Variants in LRFN5 observed in about 807,000 individuals in gnomAD.
LRFN5 encodes the protein leucine rich repeat and fibronectin type III domain containing 5.
LRFN5 carries 24 observed loss-of-function variants against 45.6 expected under a neutral mutation model. That is an observed-to-expected ratio of 0.53 (90% CI 0.38 to 0.74). The LOEUF (loss-of-function observed/expected upper bound fraction) is 0.74, where lower values mean the gene tolerates loss of function less well. LRFN5 is among the 30% of genes least tolerant of loss of function. LRFN5 has a pLI of 0.00. For synonymous variants in LRFN5, 340 were observed against 313.8 expected (o/e 1.08, Z -0.88); for missense variants, 776 against 861.5 (o/e 0.90, Z 1.24).
intron 1 of LRFN5, among the ~76,000 whole-genome samples, chr14:41,675,275 C>G (rs142216354): frequency 3.9e-5 from 6 of 152,228 alleles, no homozygotes; most frequent in Non-Finnish European, 8.8e-5. Context: ...AGGTTGTAGC[C>G]AGCCGAGATC....
intron 1 of LRFN5, among the ~76,000 whole-genome samples, chr14:41,669,369 T>C (rs143112224): frequency 2.0e-5 from 3 of 151,962 alleles, no homozygotes; most frequent in African/African-American, 7.2e-5. Context: ...ATGACTAAGA[T>C]TTTCTAGAAG....
chr14:41,664,051 T>C (rs759393649), intron 1 of LRFN5, among the ~76,000 whole-genome samples: 7 of 151,924 alleles, frequency 4.6e-5, no homozygotes, highest in Non-Finnish European at 8.8e-5. Flanking sequence ...GTTATAAACA[T>C]TCAGTGTATA....
chr14:41,729,090 A>G (rs1884058026), intron 1 of LRFN5, among the ~76,000 whole-genome samples: 1 of 152,158 alleles, frequency 6.6e-6, no homozygotes, highest in African/African-American at 2.4e-5. Flanking sequence ...CAGTCACACC[A>G]TCTGATGTGG....
intron 3 of LRFN5, among the ~76,000 whole-genome samples, chr14:41,889,083 CATAT>C (rs932674681): frequency 8.0e-6 from 1 of 125,642 alleles, no homozygotes; most frequent in African/African-American, 3.0e-5. Flanking sequence ...ATTTCAAAGC[CATAT>C]ATATATATGT....
Position 41,772,093 on chromosome 14 carries a change from T to G in LRFN5, c.-21+5064T>G, listed in dbSNP as rs546516601. Among the ~76,000 whole-genome samples the G allele has an allele frequency of 7.2e-5, 11 of 152,234 alleles. No individual in the cohort carries two copies. In the South Asian group the frequency reaches 2.3e-3, roughly 32 times the overall value. On this transcript the variant is annotated intron_variant, in intron 2 of 5. Coordinates refer to ENST00000298119, the MANE Select transcript of LRFN5 (RefSeq NM_152447.5). ...GCAAAGCAGTACCCAGCAGGTCACA[T>G]GATGATAGTAGGAACAAGAGAGCGA... is the stretch of plus-strand genomic sequence containing the variant.
intron 2 of LRFN5, among the ~76,000 whole-genome samples, chr14:41,870,986 C>T (rs1890000732): frequency 6.6e-6 from 1 of 151,722 alleles, no homozygotes; most frequent in Non-Finnish European, 1.5e-5. Flanking sequence ...ATTATCAGTA[C>T]ATATTAGGTT....
intron 2 of LRFN5, among the ~76,000 whole-genome samples, chr14:41,805,901 G>A (rs1334924456): frequency 6.6e-6 from 1 of 152,068 alleles, no homozygotes; most frequent in African/African-American, 2.4e-5. Context: ...ATTAGGGTAT[G>A]TATGAGGAAT....
intron 1 of LRFN5, among the ~76,000 whole-genome samples, chr14:41,637,208 G>A (rs947110241): frequency 2.0e-5 from 3 of 152,128 alleles, no homozygotes; most frequent in African/African-American, 7.2e-5. Flanking sequence ...TGTTCTGTAG[G>A]AGGCCCTATC....
chr14:41,810,374 G>T (rs1887695634), intron 2 of LRFN5, among the ~76,000 whole-genome samples: 2 of 152,108 alleles, frequency 1.3e-5, no homozygotes, highest in South Asian at 4.1e-4. Context: ...CACCAAAGAG[G>T]TGCCAGTTTT....
chr14:41,619,528 A>G lies in LRFN5; in HGVS notation c.-197+10966A>G, dbSNP rs140024376. ...AATATTTTCTTCAAAGGTATTTTGT[A>G]ATTGGGTTGAAAGCCTCCCTGGATT... On this transcript the variant is annotated intron_variant, in intron 1 of 5. Coordinates refer to ENST00000298119, the MANE Select transcript of LRFN5 (RefSeq NM_152447.5). Among the ~76,000 whole-genome samples, 251 of 152,102 alleles carry G rather than the reference A, an allele frequency of 1.7e-3. 1 individual carries two copies. The highest frequency in any genetic ancestry group is 5.7e-3 in the African/African-American group (236 of 41,532).
intron 2 of LRFN5, among the ~76,000 whole-genome samples, chr14:41,802,902 T>C (rs1291879878): frequency 1.3e-5 from 2 of 152,168 alleles, no homozygotes; most frequent in Non-Finnish European, 2.9e-5. Flanking sequence ...AATTGTATAT[T>C]ACTGAAGACA....
At chr14:41,687,072 G>T (rs1400311925) in intron 1 of LRFN5, among the ~76,000 whole-genome samples, 1 of 152,078 alleles carries the variant, frequency 6.6e-6, no homozygotes, top group Non-Finnish European at 1.5e-5. Flanking sequence ...CCTACAGAAT[G>T]GGAGAAATTT....
rs539251232 is a variant in LRFN5 at position 41,851,484 on chromosome 14, T to C, written c.-20-35122T>C. ...TTTCAATATTTGCATAAAATACTTATGTAAAAGTTCCCCAATATGGAACCA... is the reference window on the plus strand; with the variant it reads ...TTTCAATATTTGCATAAAATACTTACGTAAAAGTTCCCCAATATGGAACCA... On this transcript the variant is annotated intron_variant, in intron 2 of 5. Coordinates refer to ENST00000298119, the MANE Select transcript of LRFN5 (RefSeq NM_152447.5). Among the ~76,000 whole-genome samples, 3 of 151,936 alleles carry C rather than the reference T, an allele frequency of 2.0e-5. No individual in the cohort carries two copies. In the East Asian group the frequency reaches 5.8e-4, roughly 29 times the overall value.
At chr14:41,741,567 AT>A (rs1884693571) in intron 1 of LRFN5, among the ~76,000 whole-genome samples, 1 of 151,798 alleles carries the variant, frequency 6.6e-6, no homozygotes, top group Non-Finnish European at 1.5e-5. Context: ...AAAGACCAAT[AT>A]GAAAGACTGA....
intron 1 of LRFN5, among the ~76,000 whole-genome samples, chr14:41,763,221 T>C (rs1885741925): frequency 6.6e-6 from 1 of 152,168 alleles, no homozygotes; most frequent in Admixed American, 6.6e-5. Flanking sequence ...TTGTAACTGT[T>C]TTCATTTTGA....
At chr14:41,889,342 C>A (rs985509490) in intron 3 of LRFN5, among the ~76,000 whole-genome samples, 35 of 151,928 alleles carry the variant, frequency 2.3e-4, no homozygotes, top group African/African-American at 8.2e-4. Flanking sequence ...CTCGTCATTA[C>A]AAGGGAGAAA....
intron 1 of LRFN5, among the ~76,000 whole-genome samples, chr14:41,645,183 C>G (rs1343777784): frequency 1.3e-5 from 2 of 152,142 alleles, no homozygotes; most frequent in African/African-American, 4.8e-5. Flanking sequence ...TAAAGTGTAG[C>G]ATAGTGCTTG....
At chr14:41,862,332 C>G (rs1023901015) in intron 2 of LRFN5, among the ~76,000 whole-genome samples, 4 of 152,082 alleles carry the variant, frequency 2.6e-5, no homozygotes, top group Non-Finnish European at 1.5e-5. Context: ...GTAGAATCAC[C>G]CAGTACTTTA....
intron 2 of LRFN5, among the ~76,000 whole-genome samples, chr14:41,822,856 T>G (rs1376240427): frequency 5.4e-4 from 24 of 44,240 alleles, no homozygotes; most frequent in Admixed American, 1.2e-3. Context: ...TAGGGTTGTT[T>G]TTTTTTTTTT....
Sources: allele counts gnomAD v4.1 joint callset (sites outside exome capture counted in the v4.1 genomes callset), GRCh38; gene constraint gnomAD v4.1.1; transcripts MANE v1.5; gene names NCBI Gene and HGNC (gene_info 2026-07-23, HGNC 2026-07-21).